OPCML: variants seen among roughly 807,000 people sequenced by gnomAD.
The protein encoded by OPCML is opioid-binding protein/cell adhesion molecule.
A neutral mutation model predicts 37.8 loss-of-function variants in OPCML; 13 were observed. The ratio of observed to expected loss-of-function variants is 0.34; its 90% CI spans 0.22 to 0.55. The LOEUF (loss-of-function observed/expected upper bound fraction) is 0.55. OPCML is among the 20% of genes least tolerant of loss of function. The pLI, the probability that OPCML is intolerant of heterozygous loss-of-function variation, is 0.91. For synonymous variants in OPCML, 176 were observed against 168.8 expected, an observed-to-expected ratio of 1.04 and a Z score of -0.33; for missense variants, 341 against 435.6, an observed-to-expected ratio of 0.78 and a Z score of 1.93.
intron 2 of OPCML, among the ~76,000 whole-genome samples, chr11:132,936,820 C>T (rs1945392361): frequency 6.6e-6 from 1 of 152,100 alleles, no homozygotes; most frequent in South Asian, 2.1e-4. Context: ...GAGTGCACCC[C>T]TCCCCCAAAC....
intron 3 of OPCML, among the ~76,000 whole-genome samples, chr11:132,531,998 T>C (rs6421611): frequency 0.61 from 92,077 of 151,952 alleles, 30,464 homozygotes; most frequent in African/African-American, 0.86. Context: ...AGTCAGTGAA[T>C]GGAGACAGCT....
intron 1 of OPCML, among the ~76,000 whole-genome samples, chr11:133,028,126 T>C (rs941379726): frequency 2.0e-4 from 31 of 152,292 alleles, no homozygotes; most frequent in African/African-American, 7.0e-4. Context: ...TAACCTTTAT[T>C]TTTATTTCTT....
At chr11:132,708,509 A>C (rs1944128900) in intron 2 of OPCML, among the ~76,000 whole-genome samples, 1 of 152,198 alleles carries the variant, frequency 6.6e-6, no homozygotes, top group Non-Finnish European at 1.5e-5. Flanking sequence ...ATTACTTTAT[A>C]CTCAGCTATA....
chr11:133,134,138 T>C (rs1347912672), intron 1 of OPCML, among the ~76,000 whole-genome samples: 1 of 152,038 alleles, frequency 6.6e-6, no homozygotes, highest in Non-Finnish European at 1.5e-5. Flanking sequence ...GTATTATAAC[T>C]TACCTGTGGG....
At chr11:132,942,024 G>A (rs1945595003) in intron 2 of OPCML, among the ~76,000 whole-genome samples, 1 of 152,198 alleles carries the variant, frequency 6.6e-6, no homozygotes, top group African/African-American at 2.4e-5. Context: ...CAGGGCAAAT[G>A]CATTCGCCCT....
At chr11:133,104,069 G>A (rs1565448763) in intron 1 of OPCML, among the ~76,000 whole-genome samples, 1 of 152,192 alleles carries the variant, frequency 6.6e-6, no homozygotes, top group African/African-American at 2.4e-5. Context: ...GTACAGCTCT[G>A]TCTCCCTGCT....
chr11:132,498,370 T>C (rs1197892473), intron 4 of OPCML, among the ~76,000 whole-genome samples: 1 of 152,238 alleles, frequency 6.6e-6, no homozygotes, highest in African/African-American at 2.4e-5. Context: ...TAGGTTTCCA[T>C]GCTCCCTATT....
chr11:133,264,696 C>A (rs1342292909), intron 1 of OPCML, among the ~76,000 whole-genome samples: 1 of 152,042 alleles, frequency 6.6e-6, no homozygotes, highest in Non-Finnish European at 1.5e-5. Flanking sequence ...TTTCAATCAA[C>A]TCTATAATAA....
chr11:133,029,666 C>G (rs1947629158), intron 1 of OPCML, among the ~76,000 whole-genome samples: 1 of 151,940 alleles, frequency 6.6e-6, no homozygotes, highest in Admixed American at 6.6e-5. Context: ...GAGAGCTAAC[C>G]CTTGGGTACA....
chr11:132,463,671 C>A (rs1363200045), intron 4 of OPCML, among the ~76,000 whole-genome samples: 1 of 152,186 alleles, frequency 6.6e-6, no homozygotes, highest in Non-Finnish European at 1.5e-5. Flanking sequence ...TGAGGACATT[C>A]ATCTTCTCAC....
chr11:132,745,860 C>A (rs1309453360), intron 2 of OPCML, among the ~76,000 whole-genome samples: 1 of 152,156 alleles, frequency 6.6e-6, no homozygotes, highest in Non-Finnish European at 1.5e-5. Context: ...AGAAACATAG[C>A]AATAGAAGCT....
chr11:132,419,970 G>A lies in OPCML; in HGVS notation c.*223C>T, dbSNP rs1390231971. On this transcript the variant is annotated 3_prime_UTR_variant, in exon 8 of 8. Transcript: ENST00000524381. ...CCCATTTTTGGACACACCAATGAAT[G>A]ATTATCCTACACGTGGTAGAACCCT... 2 of 517,710 alleles carry A rather than the reference G, an allele frequency of 3.9e-6. No homozygotes were observed. Among genetic ancestry groups the A allele is most frequent in the Non-Finnish European group, 6.9e-6 (2 of 290,918 alleles). 32.1% of individuals were successfully genotyped at this position (517,710 alleles called of 1,614,324 possible).
intron 2 of OPCML, among the ~76,000 whole-genome samples, chr11:132,734,841 G>C (rs908840786): frequency 1.3e-5 from 2 of 152,164 alleles, no homozygotes; most frequent in African/African-American, 4.8e-5. Flanking sequence ...AAAGAGACTG[G>C]TAGCATAAGC....
intron 4 of OPCML, among the ~76,000 whole-genome samples, chr11:132,464,680 T>G (rs2096114112): frequency 6.6e-6 from 1 of 152,188 alleles, no homozygotes; most frequent in African/African-American, 2.4e-5. Context: ...TCGGGGTTTT[T>G]CAAATTAACG....
chr11:133,183,560 A>G (rs773936962), intron 1 of OPCML, among the ~76,000 whole-genome samples: 3 of 152,144 alleles, frequency 2.0e-5, no homozygotes, highest in Non-Finnish European at 4.4e-5. Context: ...CCTCTTCCCA[A>G]ACCTCCTCTT....
intron 4 of OPCML, among the ~76,000 whole-genome samples, chr11:132,473,861 T>C (rs1036336722): frequency 3.3e-5 from 5 of 152,168 alleles, no homozygotes; most frequent in African/African-American, 9.7e-5. Context: ...CGTAAAGGAA[T>C]GGCTTTACAT....
intron 1 of OPCML, among the ~76,000 whole-genome samples, chr11:133,348,315 G>A (rs1308247068): frequency 6.6e-6 from 1 of 152,198 alleles, no homozygotes; most frequent in East Asian, 1.9e-4. Flanking sequence ...TGCGGGCAAG[G>A]ACTGTGCCTA....
At chr11:133,181,666 C>T (rs1435035517) in intron 1 of OPCML, among the ~76,000 whole-genome samples, 1 of 152,084 alleles carries the variant, frequency 6.6e-6, no homozygotes, top group Non-Finnish European at 1.5e-5. Context: ...CCCCTTGAGC[C>T]CTCAGTCTGG....
At chr11:133,147,947 T>G (rs541829376) in intron 1 of OPCML, among the ~76,000 whole-genome samples, 2 of 152,328 alleles carry the variant, frequency 1.3e-5, no homozygotes, top group East Asian at 3.9e-4. Context: ...GAACGCTTTC[T>G]TCCTCCTGCC....
Sources: allele counts gnomAD v4.1 joint callset (sites outside exome capture counted in the v4.1 genomes callset), GRCh38; gene constraint gnomAD v4.1.1; transcripts MANE v1.5; gene names NCBI Gene and HGNC (gene_info 2026-07-23, HGNC 2026-07-21).